The following ODAD2 variants were observed in gnomAD, a reference collection of about 807,000 sequenced individuals.
The protein encoded by ODAD2 is outer dynein arm-docking complex subunit 2.
A neutral mutation model predicts 106.8 loss-of-function variants in ODAD2; 89 were observed. That is an observed-to-expected ratio of 0.83 (90% confidence interval 0.70 to 0.99). The LOEUF (loss-of-function observed/expected upper bound fraction) is 0.99, where lower values mean the gene tolerates loss of function less well. Among genes scored for constraint, ODAD2 ranks in the 50% least tolerant of loss-of-function variants. The pLI, the probability that ODAD2 is intolerant of heterozygous loss-of-function variation, is 0.00. For synonymous variants in ODAD2, 404 were observed against 436.2 expected (o/e 0.93, Z 0.92); for missense variants, 1,168 against 1,238.5 (o/e 0.94, Z 0.85).
intron 17 of ODAD2, among the ~76,000 whole-genome samples, chr10:27,897,814 G>A (rs114682555): frequency 2.0e-5 from 3 of 152,068 alleles, no homozygotes; most frequent in Non-Finnish European, 4.4e-5. Context: ...AGTATTCAGA[G>A]GGTAGGTGAA....
At chr10:27,946,824 G>A (rs563663185) in intron 10 of ODAD2, among the ~76,000 whole-genome samples, 15 of 152,242 alleles carry the variant, frequency 9.9e-5, no homozygotes, top group Middle Eastern at 3.4e-3. Flanking sequence ...ATAAGAAACC[G>A]AAATAGGATT....
intron 17 of ODAD2, among the ~76,000 whole-genome samples, chr10:27,879,416 C>A (rs1313778552): frequency 6.6e-6 from 1 of 151,422 alleles, no homozygotes; most frequent in East Asian, 1.9e-4. Flanking sequence ...ATGCATATGT[C>A]TTTTATATAG....
chr10:27,903,666 G>C (rs1055217299), intron 17 of ODAD2, among the ~76,000 whole-genome samples: 1 of 152,164 alleles, frequency 6.6e-6, no homozygotes, highest in Non-Finnish European at 1.5e-5. Context: ...TAGACAAAGA[G>C]AGAGCCAAAT....
intron 16 of ODAD2, among the ~76,000 whole-genome samples, chr10:27,918,459 C>A (rs2133941499): frequency 6.6e-6 from 1 of 151,930 alleles, no homozygotes; most frequent in African/African-American, 2.4e-5. Context: ...ATCTGATCAT[C>A]TCAATAGATA....
At chr10:27,982,639 C>T (rs1318650976) in intron 6 of ODAD2, among the ~76,000 whole-genome samples, 1 of 152,108 alleles carries the variant, frequency 6.6e-6, no homozygotes, top group Non-Finnish European at 1.5e-5. Flanking sequence ...AAAGAGGCTC[C>T]AGCATTTTGG....
At chr10:27,874,723 C>T (rs1327216125) in intron 17 of ODAD2, among the ~76,000 whole-genome samples, 12 of 152,198 alleles carry the variant, frequency 7.9e-5, no homozygotes, top group Admixed American at 7.9e-4. Flanking sequence ...CCGAGAGATC[C>T]ACTGTTAGTC....
At chr10:27,963,770 G>A (rs140937918) in intron 9 of ODAD2, among the ~76,000 whole-genome samples, 3,465 of 151,700 alleles carry the variant, frequency 0.023, 55 homozygotes, top group Middle Eastern at 0.031. Context: ...AATATATATT[G>A]TATGAATTTC....
At chr10:27,940,941 C>G in intron 12 of ODAD2, 136 bp from the exon 13 acceptor site, 2 of 929,642 alleles carry the variant, frequency 2.2e-6, no homozygotes, top group Non-Finnish European at 3.2e-6. Context: ...ACTTTTCGTA[C>G]TCCATAGCAG....
intron 19 of ODAD2, among the ~76,000 whole-genome samples, chr10:27,851,084 T>C (rs936153005): frequency 1.3e-5 from 2 of 152,118 alleles, no homozygotes; most frequent in African/African-American, 4.8e-5. Flanking sequence ...AGAAACTGTT[T>C]GAGGGCAGGA....
chr10:27,944,525 T>A, intron 11 of ODAD2, 94 bp from the exon 12 acceptor site: 1 of 1,170,696 alleles, frequency 8.5e-7, no homozygotes, highest in Non-Finnish European at 1.2e-6. Flanking sequence ...CCCAGTTAAG[T>A]TTTTTAAGAA....
chr10:27,959,088 G>C, intron 10 of ODAD2: 1 of 1,107,180 alleles, frequency 9.0e-7, no homozygotes, highest in Admixed American at 2.9e-5. Flanking sequence ...TGTAATCCCA[G>C]CACTTTGGGA....
At chr10:27,930,855 G>A (rs551890116) in intron 16 of ODAD2, among the ~76,000 whole-genome samples, 3 of 152,294 alleles carry the variant, frequency 2.0e-5, no homozygotes, top group African/African-American at 7.2e-5. Context: ...CATTCAAACA[G>A]TCAATCTGGT....
chr10:27,874,092 T>C (rs986678157), intron 17 of ODAD2, among the ~76,000 whole-genome samples: 3 of 152,262 alleles, frequency 2.0e-5, no homozygotes, highest in Non-Finnish European at 2.9e-5. Flanking sequence ...GTTGAATTGA[T>C]ACCTTTACCA....
At chr10:27,832,400 G>C (rs1463033091) in intron 19 of ODAD2, among the ~76,000 whole-genome samples, 2 of 151,982 alleles carry the variant, frequency 1.3e-5, no homozygotes, top group Non-Finnish European at 2.9e-5. Context: ...GCCAACCCTA[G>C]AAGCATACTG....
chr10:27,941,606 T>G (rs531355503), intron 12 of ODAD2, among the ~76,000 whole-genome samples: 119 of 150,154 alleles, frequency 7.9e-4, no homozygotes, highest in African/African-American at 2.8e-3. Flanking sequence ...GTTTTTTTTT[T>G]TTTTTTTTTT....
At chr10:27,897,468 A>G (rs1589956687) in intron 17 of ODAD2, among the ~76,000 whole-genome samples, 1 of 152,292 alleles carries the variant, frequency 6.6e-6, no homozygotes, top group East Asian at 1.9e-4. Context: ...AAATTCAAAC[A>G]TCCAATCACT....
intron 15 of ODAD2, 62 bp from the exon 16 acceptor site, chr10:27,935,314 A>C: frequency 6.3e-7 from 1 of 1,584,660 alleles, no homozygotes; most frequent in East Asian, 2.2e-5. Context: ...AAAATTACTA[A>C]ATGTTCATTC....
intron 17 of ODAD2, among the ~76,000 whole-genome samples, chr10:27,893,938 C>T (rs1181369588): frequency 6.6e-6 from 1 of 151,990 alleles, no homozygotes; most frequent in East Asian, 1.9e-4. Context: ...TCACCTGGAG[C>T]CTGGAGTTTG....
intron 19 of ODAD2, among the ~76,000 whole-genome samples, chr10:27,827,389 ATATATATAT>A (rs1837147570): frequency 7.7e-6 from 1 of 130,110 alleles, no homozygotes; most frequent in African/African-American, 3.0e-5. Context: ...CTATATATAT[ATATATATAT>A]ATATATATAT....
Sources: allele counts gnomAD v4.1 joint callset (sites outside exome capture counted in the v4.1 genomes callset), GRCh38; gene constraint gnomAD v4.1.1; transcripts MANE v1.5; gene names NCBI Gene and HGNC (gene_info 2026-07-23, HGNC 2026-07-21).